The following FLNA variants were observed in gnomAD, a reference collection of about 807,000 sequenced individuals.
FLNA encodes filamin-A.
A neutral mutation model predicts 157.6 loss-of-function variants in FLNA; 7 were observed. The observed-to-expected ratio is 0.04, with a 90% confidence interval of 0.03 to 0.08. The LOEUF (loss-of-function observed/expected upper bound fraction) is 0.08. FLNA is among the 10% of genes least tolerant of loss of function. The pLI, the probability that FLNA is intolerant of heterozygous loss-of-function variation, is 1.00. For synonymous variants in FLNA, 1,103 were observed against 1,060.8 expected (o/e 1.04, Z -0.77); for missense variants, 1,750 against 2,398.4 (o/e 0.73, Z 5.65).
chrX:154,362,415 C>T lies in FLNA; in HGVS notation c.2565+3G>A. 1 of 1,211,490 alleles carries T rather than the reference C, an allele frequency of 8.3e-7. No homozygotes were observed. ...TCTTAGCGGCCAGGAGCGCAGCACC[C>T]ACCTGGTCAGCAAAGAGGACCATAA... On this transcript the variant is annotated splice_donor_region_variant and intron_variant, in intron 17 of 47. Coordinates refer to ENST00000369850, the MANE Select transcript of FLNA (RefSeq NM_001110556.2).
chrX:154,358,258 C>T lies in FLNA; in HGVS notation c.4696G>A (p.Val1566Met), dbSNP rs1181500076. Residue 1566 changes from valine to methionine, a missense_variant, in exon 28 of 48, where the codon GTG becomes ATG. Physicochemically the swap from Val to Met is conservative, Grantham distance 21. Around this residue, in one of 5 missense-constraint regions of FLNA, gnomAD observed 970 missense variants for 1,302.6 expected, o/e 0.74. Coordinates refer to ENST00000369850, the MANE Select transcript of FLNA (RefSeq NM_001110556.2). ...TCCTTTGCATCGATGGTGAACTCCA[C>T]GGGCAGGCTGGCAGGCACGCCAGTG... ...NTTGVPASLP[V>M]EFTIDAKDAG... 2.2e-5 allele frequency: 27 copies of T among 1,209,634 alleles called. No individual in the cohort carries two copies. The highest frequency in any genetic ancestry group is 2.9e-5 in the Non-Finnish European group (26 of 895,119).
intron 1 of FLNA, among the ~76,000 whole-genome samples, chrX:154,373,135 C>T (rs1603364430): frequency 8.9e-6 from 1 of 112,398 alleles, no homozygotes; most frequent in African/African-American, 3.2e-5. Context: ...CCATACAGAC[C>T]CCTCCCTGCA....
In FLNA at chrX:154,362,588, GGA is replaced by G. The variant is rs782155898; in HGVS notation, c.2405-12_2405-11del. The G allele has an allele frequency of 1.7e-6, 2 of 1,210,649 alleles. No individual in the cohort carries two copies. Among genetic ancestry groups the G allele is most frequent in the South Asian group, 3.5e-5 (2 of 57,010 alleles). On this transcript the variant is annotated splice_polypyrimidine_tract_variant and intron_variant, in intron 16 of 47. Transcript: ENST00000369850. ...CCGATGCTGACGTCCCCTGCGGCGGGGAGAGGAGCGGAGGCTGAGACCTCGCA... is the reference window on the plus strand; with the variant it reads ...CCGATGCTGACGTCCCCTGCGGCGGGGAGGAGCGGAGGCTGAGACCTCGCA...
Position 154,351,871 on chromosome X carries a change from G to C in FLNA, c.6907+13C>G, listed in dbSNP as rs781785987. ...GGCCCCACCTCCTCCAACCCCAGCC[G>C]GGTTCCCAGTACCTGGCTCCTGGAC... On this transcript the variant is annotated intron_variant, in intron 42 of 47. Coordinates refer to ENST00000369850, the MANE Select transcript of FLNA (RefSeq NM_001110556.2). The C allele has an allele frequency of 1.7e-6, 2 of 1,210,441 alleles. No homozygotes were observed. Among genetic ancestry groups the C allele is most frequent in the Admixed American group, 2.2e-5 (1 of 46,061 alleles).
rs2148114096 is a variant in FLNA, at chrX:154,362,110, C to T, written c.2695G>A (p.Ala899Thr). The T allele has an allele frequency of 8.3e-7, 1 of 1,211,769 alleles. No homozygotes were observed. The highest frequency in any genetic ancestry group is 1.1e-6 in the Non-Finnish European group (1 of 895,432). ...LGKPTHFTVN[A>T]KAAGKGKLDV... Reference sequence around the variant, plus strand: ...AGCTTGCCTTTGCCAGCAGCTTTGGCATTTACTGTGAAGTGGGTGGGCTTG... The same window carrying T: ...AGCTTGCCTTTGCCAGCAGCTTTGGTATTTACTGTGAAGTGGGTGGGCTTG... Residue 899 changes from alanine (A) to threonine (T), a missense_variant, in exon 19 of 48, where the codon GCC (alanine) becomes ACC (threonine). Coordinates refer to ENST00000369850, the MANE Select transcript of FLNA (RefSeq NM_001110556.2).
chrX:154,350,619 C>T (rs1987315305), intron 44 of FLNA: 1 of 391,461 alleles, frequency 2.6e-6, no homozygotes, highest in African/African-American at 2.5e-5. Flanking sequence ...GGCCTGTGCA[C>T]AAGTACCATG....
At chrX:154,355,910 C>G (rs977194228) in intron 30 of FLNA, among the ~76,000 whole-genome samples, 14 of 112,848 alleles carry the variant, frequency 1.2e-4, no homozygotes, top group Non-Finnish European at 2.6e-4. Context: ...GCAGCCTGGC[C>G]TCCTGCCAGG....
Position 154,371,353 on chromosome X carries a change from G to A in FLNA, c.-108C>T. The stretch of plus-strand genomic sequence containing the variant: ...CGCGCGGGAGGCGAGGCAGGGAGCA[G>A]AGGTTGCGCTGCGGAGAGAGCGAGC... On this transcript the variant is annotated 5_prime_UTR_variant, in exon 2 of 48. Transcript: ENST00000369850. The A allele has an allele frequency of 2.0e-6, 2 of 1,009,861 alleles. No individual in the cohort carries two copies. Among genetic ancestry groups the A allele is most frequent in the Non-Finnish European group, 2.7e-6 (2 of 747,165 alleles). The allele number at this position is 1,009,861 out of a possible 1,213,427, so 83.2% of individuals were successfully genotyped here.
chrX:154,357,288 G>A lies in FLNA; in HGVS notation c.4946-14C>T. The A allele has an allele frequency of 4.1e-6, 5 of 1,210,461 alleles. No homozygotes were observed. In the South Asian group the frequency reaches 7.0e-5, roughly 17 times the overall value. ...CTCCGATTGACACTGAGGTGAGAGG[G>A]CAGAGAGCAAGGAGAAAGGTCAGGT... On this transcript the variant is annotated splice_polypyrimidine_tract_variant and intron_variant, in intron 29 of 47. Transcript: ENST00000369850.
intron 4 of FLNA, 42 bp downstream of exon 4, chrX:154,367,599 G>A (rs374051443): frequency 2.7e-5 from 33 of 1,210,282 alleles, no homozygotes; most frequent in South Asian, 7.0e-5. Flanking sequence ...CCCAACTGCC[G>A]ATCCGGTCCC....
chrX:154,353,271 C>T (rs782566511), intron 37 of FLNA, 25 bp downstream of exon 37: 6 of 1,211,415 alleles, frequency 5.0e-6, no homozygotes, highest in Non-Finnish European at 6.7e-6. Flanking sequence ...CCTTTCTGAA[C>T]CCCCTGGACC....
At chrX:154,372,347 C>T (rs955457014) in intron 1 of FLNA, among the ~76,000 whole-genome samples, 1 of 112,689 alleles carries the variant, frequency 8.9e-6, no homozygotes, top group Non-Finnish European at 1.9e-5. Flanking sequence ...GGGGCAAACA[C>T]GGGAGTGGCA....
rs2148110417 is a variant in FLNA, at chrX:154,358,308, T to C, written c.4646A>G (p.Lys1549Arg). ...GGTGTTGAGCCCGGGGCCACTGGCC[T>C]TCACCTTGCTGGCATCATGAGTAGG... The part of the protein sequence containing the change: ...VLPTHDASKV[K>R]ASGPGLNTTG... Residue 1549 changes from lysine to arginine, a missense_variant, in exon 28 of 48, where the codon AAG becomes AGG. By Grantham distance (26) the Lys-to-Arg change is conservative (BLOSUM62 2). Transcript: ENST00000369850. 6.6e-6 allele frequency: 8 copies of C among 1,211,368 alleles called. No individual in the cohort carries two copies. Among genetic ancestry groups the C allele is most frequent in the Non-Finnish European group, 7.8e-6 (7 of 895,418 alleles).
chrX:154,366,500 A>G (rs782807493), intron 7 of FLNA, 30 bp from the exon 8 acceptor site: 645 of 1,204,248 alleles, frequency 5.4e-4, no homozygotes, highest in Non-Finnish European at 6.3e-4. Flanking sequence ...CCGTGAGGGT[A>G]GGGCTGGGGG....
At chrX:154,356,296 C>A (rs1196105655) in intron 30 of FLNA, among the ~76,000 whole-genome samples, 1 of 111,792 alleles carries the variant, frequency 8.9e-6, no homozygotes, top group African/African-American at 3.3e-5. Context: ...TTCAGCGCCC[C>A]CTTCCCCACC....
chrX:154,351,070 G>C, intron 43 of FLNA, 29 bp from the exon 44 acceptor site: 1 of 1,209,092 alleles, frequency 8.3e-7, no homozygotes, highest in South Asian at 1.8e-5. Flanking sequence ...TGGTTAGATG[G>C]GGGTGCTTGA....
chrX:154,359,310 C>T lies in FLNA; in HGVS notation c.4239G>A (p.Glu1413=). Residue 1413 remains glutamate, a synonymous_variant, in exon 25 of 48, where the codon GAG becomes GAA. Transcript: ENST00000369850. ...AGGTGCCAGCCTCATAAGGGATGTA[C>T]TCGACCGAGCAGCTGCCGTCCTTGT... ...MDNKDGSCSV[E]YIPYEAGTYS... 2.5e-6 allele frequency: 3 copies of T among 1,211,225 alleles called. No individual in the cohort carries two copies. The highest frequency in any genetic ancestry group is 2.2e-5 in the Admixed American group (1 of 46,122).
In FLNA at chrX:154,371,930, C is replaced by T. The variant is rs372671250; in HGVS notation, c.-116-569G>A. On this transcript the variant is annotated intron_variant, in intron 1 of 47. Coordinates refer to ENST00000369850, the MANE Select transcript of FLNA (RefSeq NM_001110556.2). ...GCCCCGGACCAGGCACTGCCGAGGGCGCTTTGTGTGCTCATCACCTGGGAA... is the reference window on the plus strand; with the variant it reads ...GCCCCGGACCAGGCACTGCCGAGGGTGCTTTGTGTGCTCATCACCTGGGAA... Among the ~76,000 whole-genome samples, 460 of 113,690 alleles carry T rather than the reference C, an allele frequency of 4.0e-3. 5 individuals carry two copies. The highest frequency in any genetic ancestry group is 0.014 in the African/African-American group (444 of 31,425).
In FLNA at chrX:154,359,635, C is replaced by T. The variant is rs1569551635; in HGVS notation, c.3991G>A (p.Val1331Met). ...YTPYEEGLHS[V>M]DVTYDGSPVP... is the part of the protein sequence containing the mutation. ...GGACTGCCGTCATAGGTCACGTCCA[C>T]GGAGTGCAGTCCTGGAGGAGTGCAG... Residue 1331 changes from valine (V) to methionine (M), a missense_variant, in exon 24 of 48, where the codon GTG becomes ATG. Physicochemically the swap from Val to Met is conservative, Grantham distance 21. Coordinates refer to ENST00000369850, the MANE Select transcript of FLNA (RefSeq NM_001110556.2). 1.7e-6 allele frequency: 2 copies of T among 1,211,160 alleles called. No individual in the cohort carries two copies. The highest frequency in any genetic ancestry group is 3.0e-5 in the East Asian group (1 of 33,855).
Sources: gnomAD v4.1 joint callset for allele counts (sites outside exome capture counted in the v4.1 genomes callset) on GRCh38, gnomAD v4.1.1 for gene constraint, gnomAD v4.1.1 regional missense constraint, MANE v1.5 for transcripts, NCBI Gene and HGNC (gene_info 2026-07-23, HGNC 2026-07-21) for gene names.